Variants in GREM1 observed in about 807,000 individuals in gnomAD.
GREM1 encodes gremlin 1, DAN family BMP antagonist.
GREM1 carries 6 observed loss-of-function variants against 13.1 expected under a neutral mutation model. The ratio of observed to expected loss-of-function variants is 0.46; its 90% CI spans 0.25 to 0.91. The LOEUF (loss-of-function observed/expected upper bound fraction) is 0.91. Ranked by LOEUF, GREM1 falls within the 40% of genes least tolerant of loss-of-function variation. GREM1 has a pLI of 0.18. For missense variants in GREM1, 185 were observed against 233.9 expected (o/e 0.79, Z 1.36); for synonymous variants, 98 against 93.7 (o/e 1.05, Z -0.27).
rs1009104003 is a variant in GREM1, at chr15:32,732,936, C to T, written c.*1691C>T. ...TATGTAATATGGAAAACAAACACTG[C>T]AGACTTGAGATTCAGTTGCCGATCA... On this transcript the variant is annotated 3_prime_UTR_variant, in exon 2 of 2. Transcript: ENST00000651154. 7 of 221,266 alleles carry T rather than the reference C, an allele frequency of 3.2e-5. 1 individual carries two copies. Among genetic ancestry groups the T allele is most frequent in the Admixed American group, 1.2e-4 (2 of 16,906 alleles). 13.7% of individuals were successfully genotyped at this position (221,266 alleles called of 1,614,324 possible). A position where few individuals can be genotyped will look rare whatever the true frequency, so the allele number is the denominator to read the frequency against.
chr15:32,741,401 T>C lies in GREM1; in HGVS notation c.*10156T>C, dbSNP rs1311674357. Reference sequence around the variant, plus strand: ...TCTTCAGTATGCAGACCTTTCACTTTCTTAGTTTATTCCAGGGTCTTTTTT... The same window carrying C: ...TCTTCAGTATGCAGACCTTTCACTTCCTTAGTTTATTCCAGGGTCTTTTTT... On this transcript the variant is annotated 3_prime_UTR_variant, in exon 2 of 2. Transcript: ENST00000651154. 6.6e-6 allele frequency: 1 copy of C among 151,848 alleles called. No individual in the cohort carries two copies. The highest frequency in any genetic ancestry group is 1.5e-5 in the Non-Finnish European group (1 of 67,964). 9.4% of individuals were successfully genotyped at this position (151,848 alleles called of 1,614,324 possible).
rs117317622 is a variant in GREM1 at position 32,731,488 on chromosome 15, C to A, written c.*243C>A. 14,824 of 558,246 alleles carry A rather than the reference C, an allele frequency of 0.027. 832 individuals carry two copies. The highest frequency in any genetic ancestry group is 0.19 in the East Asian group (6,080 of 32,822). 34.6% of individuals were successfully genotyped at this position (558,246 alleles called of 1,614,324 possible). On this transcript the variant is annotated 3_prime_UTR_variant, in exon 2 of 2. Coordinates refer to ENST00000651154, the MANE Select transcript of GREM1 (RefSeq NM_013372.7). ...AGCACTCCCTATTTTGTAAACATAT[C>A]TGCTTTAATGGGGATGTACCAGAAA...
rs989151861 is a variant in GREM1, at chr15:32,740,781, A to G, written c.*9536A>G. Reference sequence around the variant, plus strand: ...TGATCCCAAAGCCTACAGGCATATTATAAGTTGTCATCCTAGAGAAAGAAA... The same window carrying G: ...TGATCCCAAAGCCTACAGGCATATTGTAAGTTGTCATCCTAGAGAAAGAAA... On this transcript the variant is annotated 3_prime_UTR_variant, in exon 2 of 2. Transcript: ENST00000651154. 6.6e-6 allele frequency: 1 copy of G among 152,226 alleles called. No homozygotes were observed. Among genetic ancestry groups the G allele is most frequent in the African/African-American group, 2.4e-5 (1 of 41,452 alleles). 9.4% of individuals were successfully genotyped at this position (152,226 alleles called of 1,614,324 possible).
At chr15:32,726,143 G>T (rs1367628067) in intron 1 of GREM1, among the ~76,000 whole-genome samples, 1 of 152,014 alleles carries the variant, frequency 6.6e-6, no homozygotes, top group African/African-American at 2.4e-5. Context: ...GAAATTTAAA[G>T]TAGTTTTTTC....
Position 32,730,679 on chromosome 15 carries a change from CCTTT to C in GREM1, c.-1-6_-1-3del, listed in dbSNP as rs1215608402. ...TTTGTGTCTTCCCCTCTCTGTGCTT[CCTTT>C]CTTTAGTATGAGCCGCACAGCCTAC... On this transcript the variant is annotated splice_region_variant and splice_polypyrimidine_tract_variant and intron_variant, in intron 1 of 1. Coordinates refer to ENST00000651154, the MANE Select transcript of GREM1 (RefSeq NM_013372.7). 1.3e-6 allele frequency: 2 copies of C among 1,515,418 alleles called. No individual in the cohort carries two copies. The highest frequency in any genetic ancestry group is 2.8e-5 in the African/African-American group (2 of 71,604). The allele number at this position is 1,515,418 out of a possible 1,614,324, so 93.9% of individuals were successfully genotyped here. A position where few individuals can be genotyped will look rare whatever the true frequency, so the allele number is the denominator to read the frequency against.
At position 32,734,410 on chromosome 15, in the gene GREM1, C is replaced by A. The variant is rs2055670271; in HGVS notation, c.*3165C>A. ...TTAATGCCTAAGAGTGAAAGTAGTT[C>A]TATTGACATTCCTCAAGATATTTAA... On this transcript the variant is annotated 3_prime_UTR_variant, in exon 2 of 2. Transcript: ENST00000651154. 4.1e-6 allele frequency: 1 copy of A among 246,368 alleles called. No homozygotes were observed. Among genetic ancestry groups the A allele is most frequent in the Admixed American group, 5.6e-5 (1 of 17,740 alleles). 15.3% of individuals were successfully genotyped at this position (246,368 alleles called of 1,614,324 possible).
rs2140773470 is a variant in GREM1 at position 32,744,342 on chromosome 15, G to A, written c.*13097G>A. 1 of 152,396 alleles carries A rather than the reference G, an allele frequency of 6.6e-6. No homozygotes were observed. The highest frequency in any genetic ancestry group is 1.9e-4 in the East Asian group (1 of 5,176). 9.4% of individuals were successfully genotyped at this position (152,396 alleles called of 1,614,324 possible). A position where few individuals can be genotyped will look rare whatever the true frequency, so the allele number is the denominator to read the frequency against. On this transcript the variant is annotated 3_prime_UTR_variant, in exon 2 of 2. Coordinates refer to ENST00000651154, the MANE Select transcript of GREM1 (RefSeq NM_013372.7). ...TTAATCCCAGACTTTGGGAGGCCGA[G>A]GCAGGCGGATCACGTGGTCAGGAGA...
rs2055778312 is a variant in GREM1 at position 32,743,390 on chromosome 15, T to A, written c.*12145T>A. 1.3e-5 allele frequency: 2 copies of A among 152,192 alleles called. No homozygotes were observed. The highest frequency in any genetic ancestry group is 2.9e-5 in the Non-Finnish European group (2 of 68,036). 9.4% of individuals were successfully genotyped at this position (152,192 alleles called of 1,614,324 possible). On this transcript the variant is annotated 3_prime_UTR_variant, in exon 2 of 2. Transcript: ENST00000651154. ...CTGTAAAGGGAAGAGGATATCCTGATGAATTTTTTTCTTGGATTGAGCCAT... is the reference window on the plus strand; with the variant it reads ...CTGTAAAGGGAAGAGGATATCCTGAAGAATTTTTTTCTTGGATTGAGCCAT...
chr15:32,718,503 G>A (rs2055339917), intron 1 of GREM1: 1 of 460,454 alleles, frequency 2.2e-6, no homozygotes, highest in Non-Finnish European at 4.4e-6. Context: ...CGCTTAGCGA[G>A]GGCGCGAAGT....
rs779317921 is a variant in GREM1 at position 32,730,875 on chromosome 15, A to G, written c.185A>G (p.Gln62Arg). Residue 62 changes from glutamine (Q) to arginine (R), a missense_variant, in exon 2 of 2, where the codon CAA (glutamine) becomes CGA (arginine). Transcript: ENST00000651154. ...QPGSRNRGRG[Q>R]GRGTAMPGEE... ...GGCTCCAGGAACCGGGGGCGGGGCCAAGGGCGGGGCACTGCCATGCCCGGG... is the reference window on the plus strand; with the variant it reads ...GGCTCCAGGAACCGGGGGCGGGGCCGAGGGCGGGGCACTGCCATGCCCGGG... The G allele has an allele frequency of 8.7e-6, 14 of 1,612,962 alleles. No homozygotes were observed. The Admixed American group carries it at 1.3e-4, about 15-fold the overall frequency.
In GREM1 at chr15:32,731,836, A is replaced by G. The variant is rs1453337456; in HGVS notation, c.*591A>G. 4.3e-6 allele frequency: 1 copy of G among 231,178 alleles called. No homozygotes were observed. Among genetic ancestry groups the G allele is most frequent in the East Asian group, 6.9e-5 (1 of 14,530 alleles). The allele number at this position is 231,178 out of a possible 1,614,324, so 14.3% of individuals were successfully genotyped here. Reference sequence around the variant, plus strand: ...TGATGCAAATGTTTTTCATTTTGTGAAGACCCTCCAGACTCTGGGAGAGGC... The same window carrying G: ...TGATGCAAATGTTTTTCATTTTGTGGAGACCCTCCAGACTCTGGGAGAGGC... On this transcript the variant is annotated 3_prime_UTR_variant, in exon 2 of 2. Transcript: ENST00000651154.
Position 32,735,723 on chromosome 15 carries a change from G to T in GREM1, c.*4478G>T, listed in dbSNP as rs1387556815. On this transcript the variant is annotated 3_prime_UTR_variant, in exon 2 of 2. Transcript: ENST00000651154. ...GCCACACCCATTAGAAAAATACAAG[G>T]CCTGAAAGGTGTGAGTGGGACTTGA... The T allele has an allele frequency of 2.0e-5, 3 of 149,340 alleles. No individual in the cohort carries two copies. Among genetic ancestry groups the T allele is most frequent in the Non-Finnish European group, 4.4e-5 (3 of 67,624 alleles). The allele number at this position is 149,340 out of a possible 1,614,324, so 9.3% of individuals were successfully genotyped here.
chr15:32,727,890 G>A (rs958922270), intron 1 of GREM1, among the ~76,000 whole-genome samples: 1 of 152,112 alleles, frequency 6.6e-6, no homozygotes, highest in African/African-American at 2.4e-5. Context: ...ATTCACAAGT[G>A]CTACAAAGAA....
At position 32,731,664 on chromosome 15, in the gene GREM1, T is replaced by C. The variant is rs747594775; in HGVS notation, c.*419T>C. ...GAGGGCAAGAGACCTGTTTTAGTGC[T>C]GCATTCGACATGGAAAAGTCCTTTT... On this transcript the variant is annotated 3_prime_UTR_variant, in exon 2 of 2. Transcript: ENST00000651154. 1 of 275,096 alleles carries C rather than the reference T, an allele frequency of 3.6e-6. No individual in the cohort carries two copies. The highest frequency in any genetic ancestry group is 7.3e-6 in the Non-Finnish European group (1 of 136,402). 17.0% of individuals were successfully genotyped at this position (275,096 alleles called of 1,614,324 possible).
At position 32,743,386 on chromosome 15, in the gene GREM1, C is replaced by T. The variant is rs1364203795; in HGVS notation, c.*12141C>T. 6.6e-6 allele frequency: 1 copy of T among 152,136 alleles called. No homozygotes were observed. Among genetic ancestry groups the T allele is most frequent in the African/African-American group, 2.4e-5 (1 of 41,432 alleles). 9.4% of individuals were successfully genotyped at this position (152,136 alleles called of 1,614,324 possible). A position where few individuals can be genotyped will look rare whatever the true frequency, so the allele number is the denominator to read the frequency against. On this transcript the variant is annotated 3_prime_UTR_variant, in exon 2 of 2. Transcript: ENST00000651154. ...AGAGCTGTAAAGGGAAGAGGATATC[C>T]TGATGAATTTTTTTCTTGGATTGAG...
chr15:32,736,644 A>T lies in GREM1; in HGVS notation c.*5399A>T, dbSNP rs1386421799. On this transcript the variant is annotated 3_prime_UTR_variant, in exon 2 of 2. Transcript: ENST00000651154. ...TTGAGGAAATCCGTGTACAACTATT[A>T]GATGACTACTAACCAAGCAGAGACT... 6 of 152,216 alleles carry T rather than the reference A, an allele frequency of 3.9e-5. No individual in the cohort carries two copies. Among genetic ancestry groups the T allele is most frequent in the Non-Finnish European group, 5.9e-5 (4 of 68,042 alleles). The allele number at this position is 152,216 out of a possible 1,614,324, so 9.4% of individuals were successfully genotyped here.
In GREM1 at chr15:32,726,218, G is replaced by A. The variant is rs2339101; in HGVS notation, c.-1-4472G>A. On this transcript the variant is annotated intron_variant, in intron 1 of 1. Transcript: ENST00000651154. Reference sequence around the variant, plus strand: ...TATACATTCTTCTCAGTATCGCATCGCACTTATTCTAAAATGACCACATAA... The same window carrying A: ...TATACATTCTTCTCAGTATCGCATCACACTTATTCTAAAATGACCACATAA... 0.067 allele frequency among the ~76,000 whole-genome samples: 10,131 copies of A among 152,034 alleles called. 818 individuals carry two copies. Among genetic ancestry groups the A allele is most frequent in the East Asian group, 0.4 (2,066 of 5,172 alleles).
In GREM1 at chr15:32,733,137, A is replaced by C. The variant is rs573641557; in HGVS notation, c.*1892A>C. ...CAAACTTTTAAACTCACTACTGATG[A>C]TTCTCACGCTAGGCGAATTTGTCCA... On this transcript the variant is annotated 3_prime_UTR_variant, in exon 2 of 2. Transcript: ENST00000651154. The C allele has an allele frequency of 1.3e-5, 3 of 231,806 alleles. No homozygotes were observed. In the South Asian group the frequency reaches 5.6e-4, roughly 43 times the overall value. The allele number at this position is 231,806 out of a possible 1,614,324, so 14.4% of individuals were successfully genotyped here. A position where few individuals can be genotyped will look rare whatever the true frequency, so the allele number is the denominator to read the frequency against.
Position 32,734,291 on chromosome 15 carries a change from T to C in GREM1, c.*3046T>C, listed in dbSNP as rs1016801633. 8.2e-6 allele frequency: 2 copies of C among 244,930 alleles called. No individual in the cohort carries two copies. The highest frequency in any genetic ancestry group is 1.8e-4 in the South Asian group (1 of 5,512). 15.2% of individuals were successfully genotyped at this position (244,930 alleles called of 1,614,324 possible). On this transcript the variant is annotated 3_prime_UTR_variant, in exon 2 of 2. Coordinates refer to ENST00000651154, the MANE Select transcript of GREM1 (RefSeq NM_013372.7). ...CTTACGATGCATGTATACAAACGAA[T>C]AGCAGATAATGATGACTAGTTCACA...
Sources: allele counts gnomAD v4.1 joint callset (sites outside exome capture counted in the v4.1 genomes callset), GRCh38; gene constraint gnomAD v4.1.1; transcripts MANE v1.5; gene names NCBI Gene and HGNC (gene_info 2026-07-23, HGNC 2026-07-21).